The following HAS3 variants were observed in gnomAD, a reference collection of about 807,000 sequenced individuals.
HAS3 encodes HA synthase 3.
Under a neutral mutation model 50.3 loss-of-function variants are expected in HAS3, and 27 were observed. The observed-to-expected ratio is 0.54, with a 90% CI of 0.40 to 0.74. HAS3 has a LOEUF of 0.74. HAS3 is among the 30% of genes least tolerant of loss of function. The pLI is 0.00. For synonymous variants in HAS3, 339 were observed against 310.9 expected, an observed-to-expected ratio of 1.09 and a Z score of -0.95; for missense variants, 517 against 742.8, an observed-to-expected ratio of 0.70 and a Z score of 3.53.
At chr16:69,095,272 A>G in the HAS3 span, among the ~76,000 whole-genome samples, 2 of 152,278 alleles carry the variant, frequency 1.3e-5, no homozygotes, top group Non-Finnish European at 2.9e-5. Context: ...GGCTTGAGCC[A>G]CTGCACCCAG....
At chr16:69,101,813 C>T (rs1211903454), upstream of HAS3, among the ~76,000 whole-genome samples, 1 of 151,238 alleles carries the variant, frequency 6.6e-6, no homozygotes, top group Non-Finnish European at 1.5e-5. Flanking sequence ...GAGACGGGGT[C>T]TCGCCCTGTC....
Position 69,116,265 on chromosome 16 carries a change from G to A in HAS3, c.*999G>A. ...TTCTACCCTCATCATCATAGGTAAG[G>A]TTTTCAAGGTGGCAATTGGGGCGGA... On this transcript the variant is annotated 3_prime_UTR_variant, in exon 4 of 4. Transcript: ENST00000569188. 2.0e-6 allele frequency: 2 copies of A among 985,694 alleles called. No individual in the cohort carries two copies. The highest frequency in any genetic ancestry group is 2.4e-6 in the Non-Finnish European group (2 of 829,934). 61.1% of individuals were successfully genotyped at this position (985,694 alleles called of 1,614,324 possible). A position where few individuals can be genotyped will look rare whatever the true frequency, so the allele number is the denominator to read the frequency against.
At chr16:69,098,638 C>A in the HAS3 span, among the ~76,000 whole-genome samples, 5 of 148,924 alleles carry the variant, frequency 3.4e-5, no homozygotes, top group Non-Finnish European at 7.4e-5. Flanking sequence ...TAATATCAAA[C>A]CTATTAATAT....
chr16:69,114,277 T>C lies in HAS3; in HGVS notation c.739-66T>C, dbSNP rs1269282202. ...CAGAAGCCATGGTAAGGAGGCCTCG[T>C]GGTCTCTGATGTCTGTCCTCCGGAC... On this transcript the variant is annotated intron_variant, in intron 3 of 3. Coordinates refer to ENST00000569188, the MANE Select transcript of HAS3 (RefSeq NM_001199280.2). This position sits in a 1 kb window ranked among gnomAD's most constrained non-coding sequence, Gnocchi z 6.4. 4.6e-6 allele frequency: 7 copies of C among 1,513,180 alleles called. No homozygotes were observed. Among genetic ancestry groups the C allele is most frequent in the Non-Finnish European group, 6.2e-6 (7 of 1,137,518 alleles). The allele number at this position is 1,513,180 out of a possible 1,614,324, so 93.7% of individuals were successfully genotyped here.
the HAS3 span, among the ~76,000 whole-genome samples, chr16:69,094,400 A>C: frequency 6.6e-6 from 1 of 152,170 alleles, no homozygotes; most frequent in East Asian, 1.9e-4. Flanking sequence ...CTTGGCGACC[A>C]TGTTAATCCT....
intron 2 of HAS3, among the ~76,000 whole-genome samples, chr16:69,112,278 T>TA (rs1482617902): frequency 1.1e-4 from 17 of 152,334 alleles, no homozygotes; most frequent in African/African-American, 4.1e-4. Context: ...GAGGCTCTGC[T>TA]AGTCTGGCCT....
rs1471668243 is a variant in HAS3 at position 69,113,511 on chromosome 16, C to T, written c.707C>T (p.Pro236Leu). 4 of 1,612,282 alleles carry T rather than the reference C, an allele frequency of 2.5e-6. No homozygotes were observed. Among genetic ancestry groups the T allele is most frequent in the Non-Finnish European group, 3.4e-6 (4 of 1,178,644 alleles). ...ATGCTTCGAGTCCTGGAGGAGGATC[C>T]CCAAGTAGGGGGAGTCGGGGGAGAT... The part of the protein sequence containing the change: ...IEMLRVLEED[P>L]QVGGVGGDVQ... The change falls in exon 3 of 4, where the codon CCC becomes CTC. Residue 236 changes from proline to leucine, a missense_variant. Transcript: ENST00000569188.
rs1224990653 is a variant in HAS3, at chr16:69,117,592, T to TA, written c.*2328dup. The TA allele has an allele frequency of 1.3e-6, 1 of 768,388 alleles. No homozygotes were observed. The highest frequency in any genetic ancestry group is 1.6e-6 in the Non-Finnish European group (1 of 634,410). The allele number at this position is 768,388 out of a possible 1,614,324, so 47.6% of individuals were successfully genotyped here. The stretch of plus-strand genomic sequence containing the variant: ...TTTTACCTGCTTTTTTTTTTTTTTT[T>TA]AATTTTCAGGTCAAGTTTTTTATAC... On this transcript the variant is annotated 3_prime_UTR_variant, in exon 4 of 4. Coordinates refer to ENST00000569188, the MANE Select transcript of HAS3 (RefSeq NM_001199280.2).
At chr16:69,105,009 T>G (rs1429928670), upstream of HAS3, among the ~76,000 whole-genome samples, 1 of 118,982 alleles carries the variant, frequency 8.4e-6, no homozygotes, top group Non-Finnish European at 1.7e-5. Flanking sequence ...TTTTTTTTTT[T>G]TTTTTTTTTT....
In HAS3 at chr16:69,115,162, T is replaced by C. The variant is rs1236298051; in HGVS notation, c.1558T>C (p.Tyr520His). 6.2e-7 allele frequency: 1 copy of C among 1,600,482 alleles called. No homozygotes were observed. The highest frequency in any genetic ancestry group is 8.5e-7 in the Non-Finnish European group (1 of 1,172,436). The change falls in exon 4 of 4, where the codon TAT (tyrosine) becomes CAT (histidine). Residue 520 changes from tyrosine to histidine, a missense_variant. Tyr to His is a moderately conservative substitution (Grantham distance 83). Transcript: ENST00000569188. Reference protein sequence around the residue: ...LAFLVSGAILYGCYWVALLML... With the variant: ...LAFLVSGAILHGCYWVALLML... Reference sequence around the variant, plus strand: ...CTTCCTTGTCTCTGGGGCTATACTGTATGGCTGCTACTGGGTGGCCCTCCT... The same window carrying C: ...CTTCCTTGTCTCTGGGGCTATACTGCATGGCTGCTACTGGGTGGCCCTCCT...
At chr16:69,086,327 C>G in the HAS3 span, among the ~76,000 whole-genome samples, 1 of 151,954 alleles carries the variant, frequency 6.6e-6, no homozygotes, top group African/African-American at 2.4e-5. Context: ...CACTATTGCA[C>G]CTGGCTAATT....
chr16:69,115,472 G>A lies in HAS3; in HGVS notation c.*206G>A, dbSNP rs1040997227. 7.8e-7 allele frequency: 1 copy of A among 1,275,512 alleles called. No individual in the cohort carries two copies. Among genetic ancestry groups the A allele is most frequent in the Non-Finnish European group, 9.9e-7 (1 of 1,014,044 alleles). The allele number at this position is 1,275,512 out of a possible 1,614,324, so 79.0% of individuals were successfully genotyped here. On this transcript the variant is annotated 3_prime_UTR_variant, in exon 4 of 4. Coordinates refer to ENST00000569188, the MANE Select transcript of HAS3 (RefSeq NM_001199280.2). ...AGGCAACACTGATCCCCCAGATGCA[G>A]GGCTGCAGGGGATTCTGTGTTTTCA...
At position 69,116,554 on chromosome 16, in the gene HAS3, G is replaced by A. The variant is rs1961190119; in HGVS notation, c.*1288G>A. On this transcript the variant is annotated 3_prime_UTR_variant, in exon 4 of 4. Transcript: ENST00000569188. ...TCCATTCTCCTCAGTGGCTTCTCCA[G>A]GGAATTCTTACAGCCAAGTTGTGAC... is the stretch of plus-strand genomic sequence containing the variant. 1.0e-6 allele frequency: 1 copy of A among 985,606 alleles called. No homozygotes were observed. The highest frequency in any genetic ancestry group is 1.2e-6 in the Non-Finnish European group (1 of 829,894). The allele number at this position is 985,606 out of a possible 1,614,324, so 61.1% of individuals were successfully genotyped here. A position where few individuals can be genotyped will look rare whatever the true frequency, so the allele number is the denominator to read the frequency against.
Position 69,116,286 on chromosome 16 carries a change from G to A in HAS3, c.*1020G>A. On this transcript the variant is annotated 3_prime_UTR_variant, in exon 4 of 4. Coordinates refer to ENST00000569188, the MANE Select transcript of HAS3 (RefSeq NM_001199280.2). The stretch of plus-strand genomic sequence containing the variant: ...TAAGGTTTTCAAGGTGGCAATTGGG[G>A]CGGAGCCCCGGCTCTTATAGAAGCT... 1.0e-6 allele frequency: 1 copy of A among 985,732 alleles called. No homozygotes were observed. Among genetic ancestry groups the A allele is most frequent in the Non-Finnish European group, 1.2e-6 (1 of 829,912 alleles). 61.1% of individuals were successfully genotyped at this position (985,732 alleles called of 1,614,324 possible). A position where few individuals can be genotyped will look rare whatever the true frequency, so the allele number is the denominator to read the frequency against.
the HAS3 span, chr16:69,083,712 C>T: frequency 2.0e-5 from 30 of 1,519,896 alleles, no homozygotes; most frequent in East Asian, 2.5e-5. Flanking sequence ...CACCCAGAGC[C>T]GTGCCCAGGT....
At chr16:69,105,031 G>T (rs1401391080), upstream of HAS3, among the ~76,000 whole-genome samples, 2 of 96,100 alleles carry the variant, frequency 2.1e-5, no homozygotes, top group Admixed American at 2.8e-4. Flanking sequence ...TTTTGGAGAC[G>T]GAGTCTCGCT....
At chr16:69,101,362 A>G (rs1446295031), upstream of HAS3, among the ~76,000 whole-genome samples, 1 of 152,056 alleles carries the variant, frequency 6.6e-6, no homozygotes, top group East Asian at 1.9e-4. Context: ...GTGCAGTGGT[A>G]TGATCTCGGC....
At chr16:69,097,003 C>T in the HAS3 span, among the ~76,000 whole-genome samples, 1 of 151,802 alleles carries the variant, frequency 6.6e-6, no homozygotes, top group Non-Finnish European at 1.5e-5. Flanking sequence ...CAAAAAAATA[C>T]AAAAAGTAGC....
At chr16:69,102,390 C>T (rs762876137), upstream of HAS3, among the ~76,000 whole-genome samples, 39 of 152,306 alleles carry the variant, frequency 2.6e-4, no homozygotes, top group Non-Finnish European at 4.3e-4. Context: ...TAAACTCGAG[C>T]TTGATTGTAG....
Sources: allele counts gnomAD v4.1 joint callset (sites outside exome capture counted in the v4.1 genomes callset), GRCh38; gene constraint gnomAD v4.1.1; non-coding constraint Gnocchi (gnomAD v3.1); transcripts MANE v1.5; gene names NCBI Gene and HGNC (gene_info 2026-07-23, HGNC 2026-07-21).